SORBS3: variants seen among roughly 807,000 people sequenced by gnomAD.
SORBS3 encodes vinexin.
In SORBS3, 69 loss-of-function variants were observed where a neutral mutation model predicts 98.0. The observed-to-expected ratio is 0.70, with a 90% CI of 0.58 to 0.86. SORBS3 has a LOEUF of 0.86. Ranked by LOEUF, SORBS3 falls within the 40% of genes least tolerant of loss-of-function variation. The pLI, the probability that SORBS3 is intolerant of heterozygous loss-of-function variation, is 0.00. For missense variants in SORBS3, 954 were observed against 908.5 expected, an observed-to-expected ratio of 1.05 and a Z score of -0.64; for synonymous variants, 394 against 355.4, an observed-to-expected ratio of 1.11 and a Z score of -1.22.
chr8:22,549,604 G>A (rs1328544312), upstream of SORBS3, among the ~76,000 whole-genome samples: 2 of 152,194 alleles, frequency 1.3e-5, no homozygotes, highest in Non-Finnish European at 1.5e-5. Flanking sequence ...GAGGCCAGAT[G>A]GGCACCACGG....
At chr8:22,569,377 A>G (rs772075564) in intron 17 of SORBS3, 104 bp downstream of exon 17, 38 of 1,041,910 alleles carry the variant, frequency 3.6e-5, no homozygotes, top group Non-Finnish European at 4.6e-5. Context: ...GTCTCACTCT[A>G]TCGCCAGGCT....
intron 10 of SORBS3, 182 bp downstream of exon 10, chr8:22,564,703 C>G: frequency 7.1e-7 from 1 of 1,401,574 alleles, no homozygotes; most frequent in Non-Finnish European, 9.4e-7. Flanking sequence ...GCTCAGTAAA[C>G]ATGTGTTAAA....
chr8:22,554,366 C>T lies in SORBS3; in HGVS notation c.-55-86C>T. On this transcript the variant is annotated intron_variant, in intron 1 of 20. Transcript: ENST00000240123. This position sits in a 1 kb window ranked among gnomAD's most constrained non-coding sequence, Gnocchi z 6.5. ...TCCTGACCCCCTCCCACAGCCGGCC[C>T]CTCCTCCCCTATCCCAGGGTCGAGC... is the stretch of plus-strand genomic sequence containing the variant. The T allele has an allele frequency of 1.5e-6, 2 of 1,375,838 alleles. No individual in the cohort carries two copies. Among genetic ancestry groups the T allele is most frequent in the Non-Finnish European group, 1.9e-6 (2 of 1,044,708 alleles). The allele number at this position is 1,375,838 out of a possible 1,614,324, so 85.2% of individuals were successfully genotyped here.
rs529746182 is a variant in SORBS3 at position 22,575,354 on chromosome 8, C to T, written c.*626C>T. On this transcript the variant is annotated 3_prime_UTR_variant, in exon 21 of 21. Transcript: ENST00000240123. ...TGGCCCTGGCCCTGGCATATCACCC[C>T]GCACTGTGGGGCCAGGCACCACTAG... 6.1e-5 allele frequency: 12 copies of T among 196,650 alleles called. No individual in the cohort carries two copies. The highest frequency in any genetic ancestry group is 2.4e-4 in the Admixed American group (4 of 16,770). The allele number at this position is 196,650 out of a possible 1,614,324, so 12.2% of individuals were successfully genotyped here.
intron 1 of SORBS3, chr8:22,545,352 T>G (rs1840005763): frequency 6.6e-6 from 1 of 152,286 alleles, no homozygotes; most frequent in Non-Finnish European, 1.5e-5. Context: ...AGAACTGTAT[T>G]AACAATAGGG....
At chr8:22,555,006 T>G in intron 3 of SORBS3, 26 bp downstream of exon 3, 1 of 1,588,780 alleles carries the variant, frequency 6.3e-7, no homozygotes, top group Non-Finnish European at 8.6e-7. Flanking sequence ...AGCCTCATGC[T>G]GGAGATGGAG....
intron 11 of SORBS3, 180 bp downstream of exon 11, chr8:22,565,534 C>T (rs1840390063): frequency 1.8e-6 from 1 of 571,160 alleles, no homozygotes; most frequent in Non-Finnish European, 2.6e-6. Flanking sequence ...AAATAAAATA[C>T]AGGGCGTCGA....
chr8:22,563,445 C>T (rs1184237264), intron 7 of SORBS3, among the ~76,000 whole-genome samples: 1 of 81,910 alleles, frequency 1.2e-5, no homozygotes, highest in East Asian at 2.9e-4. Flanking sequence ...GAACTAGGCC[C>T]AGGGAGCAGA....
chr8:22,554,720 G>C lies in SORBS3; in HGVS notation c.102+112G>C. Reference sequence around the variant, plus strand: ...AGGGATGGAGGGAGGGCTGAAGAGAGCTCTGGGGGGCCTCGCTGGTTTCCC... The same window carrying C: ...AGGGATGGAGGGAGGGCTGAAGAGACCTCTGGGGGGCCTCGCTGGTTTCCC... On this transcript the variant is annotated intron_variant, in intron 2 of 20. Coordinates refer to ENST00000240123, the MANE Select transcript of SORBS3 (RefSeq NM_005775.5). The surrounding 1 kb of genome is among the most constrained non-coding windows in gnomAD (Gnocchi z 6.5). 2 of 1,377,546 alleles carry C rather than the reference G, an allele frequency of 1.5e-6. No homozygotes were observed. The highest frequency in any genetic ancestry group is 4.2e-5 in the Admixed American group (2 of 47,588). 85.3% of individuals were successfully genotyped at this position (1,377,546 alleles called of 1,614,324 possible). A position where few individuals can be genotyped will look rare whatever the true frequency, so the allele number is the denominator to read the frequency against.
intron 7 of SORBS3, among the ~76,000 whole-genome samples, chr8:22,563,349 G>T (rs1340131862): frequency 6.6e-6 from 1 of 152,222 alleles, no homozygotes; most frequent in Non-Finnish European, 1.5e-5. Context: ...GGGCCCTGGA[G>T]GGGAGCTAAG....
chr8:22,565,737 C>T, intron 11 of SORBS3, 89 bp from the exon 12 acceptor site: 1 of 1,272,126 alleles, frequency 7.9e-7, no homozygotes, highest in Non-Finnish European at 9.9e-7. Flanking sequence ...TCCTCCCCTC[C>T]CGAGCCGCGA....
chr8:22,552,900 T>TG (rs1184047250), intron 1 of SORBS3, among the ~76,000 whole-genome samples: 2 of 152,102 alleles, frequency 1.3e-5, no homozygotes, highest in African/African-American at 2.4e-5. Flanking sequence ...TGGACCCAGC[T>TG]GGGGAGCTGC....
intron 1 of SORBS3, among the ~76,000 whole-genome samples, chr8:22,553,330 G>A (rs118133171): frequency 0.012 from 1,869 of 152,240 alleles, 20 homozygotes; most frequent in Middle Eastern, 0.037. Context: ...AGCCCCCAAG[G>A]ACCCCACAGG....
At position 22,571,105 on chromosome 8, in the gene SORBS3, C is replaced by T; in HGVS notation, c.1627C>T (p.Pro543Ser). The change falls in exon 18 of 21, where the codon CCC becomes TCC. Residue 543 changes from proline to serine, a missense_variant. Pro to Ser is a moderately conservative substitution (Grantham distance 74). Coordinates refer to ENST00000240123, the MANE Select transcript of SORBS3 (RefSeq NM_005775.5). ...LTAAARSARH[P>S]SSPSALRSPA... ...CGCTGCCGCCCGCTCAGCCCGTCAC[C>T]CCAGCTCCCCCTCAGCCCTGCGCAG... The T allele has an allele frequency of 6.2e-7, 1 of 1,609,968 alleles. No homozygotes were observed. Among genetic ancestry groups the T allele is most frequent in the Non-Finnish European group, 8.5e-7 (1 of 1,179,142 alleles).
chr8:22,559,518 T>C (rs1840249989), intron 5 of SORBS3, among the ~76,000 whole-genome samples: 1 of 152,036 alleles, frequency 6.6e-6, no homozygotes. Context: ...CTGGGCAACA[T>C]GGTGAAACCC....
In SORBS3 at chr8:22,556,741, G is replaced by A. The variant is rs1840189651; in HGVS notation, c.247G>A (p.Gly83Ser). The A allele has an allele frequency of 6.2e-7, 1 of 1,613,708 alleles. No homozygotes were observed. The highest frequency in any genetic ancestry group is 1.1e-5 in the South Asian group (1 of 91,086). Residue 83 changes from glycine to serine, a missense_variant, in exon 4 of 21, where the codon GGC becomes AGC. Physicochemically the swap from Gly to Ser is moderately conservative, Grantham distance 56. Transcript: ENST00000240123. ...CCCTGCGTGGTATCAGACCTGGCCA[G>A]GCCCTGGGAGCAAGCCCTCTGCAAG... Reference protein sequence around the residue: ...PDPAWYQTWPGPGSKPSASTK... With the variant: ...PDPAWYQTWPSPGSKPSASTK...
upstream of SORBS3, among the ~76,000 whole-genome samples, chr8:22,550,585 C>CTT (rs1840065424): frequency 6.6e-6 from 1 of 152,232 alleles, no homozygotes; most frequent in African/African-American, 2.4e-5. Context: ...GGGAGAGCTT[C>CTT]TTTACCAGAA....
In SORBS3 at chr8:22,565,307, C is replaced by G. The variant is rs1275756785; in HGVS notation, c.856C>G (p.Leu286Val). The part of the protein sequence containing the change: ...ERELAELSAE[L>V]DKDLRAIETR... ...AGAGCTGGCCGAGCTGAGCGCCGAG[C>G]TGGACAAGGACCTGCGGGCAATTGA... Residue 286 changes from leucine to valine, a missense_variant, in exon 11 of 21, where the codon CTG becomes GTG. Leu to Val is a conservative substitution (Grantham distance 32). Transcript: ENST00000240123. 3.2e-6 allele frequency: 5 copies of G among 1,559,562 alleles called. No individual in the cohort carries two copies. In the South Asian group the frequency reaches 5.9e-5, roughly 18 times the overall value.
chr8:22,546,610 A>G (rs986673142), intron 1 of SORBS3, among the ~76,000 whole-genome samples: 1 of 152,256 alleles, frequency 6.6e-6, no homozygotes, highest in African/African-American at 2.4e-5. Flanking sequence ...CTTGAAGAAA[A>G]GGAAGAAAGA....
Sources: gnomAD v4.1 joint callset for allele counts (sites outside exome capture counted in the v4.1 genomes callset) on GRCh38, gnomAD v4.1.1 for gene constraint, Gnocchi (gnomAD v3.1) non-coding constraint, MANE v1.5 for transcripts, NCBI Gene and HGNC (gene_info 2026-07-23, HGNC 2026-07-21) for gene names.